VPS37A: variants seen among roughly 807,000 people sequenced by gnomAD.
VPS37A encodes vacuolar protein sorting-associated protein 37A.
Under a neutral mutation model 49.8 loss-of-function variants are expected in VPS37A, and 30 were observed. The ratio of observed to expected loss-of-function variants is 0.60; its 90% CI spans 0.45 to 0.82. The LOEUF (loss-of-function observed/expected upper bound fraction) is 0.82. Among genes scored for constraint, VPS37A ranks in the 40% least tolerant of loss-of-function variants. VPS37A has a pLI of 0.00. For synonymous variants in VPS37A, 195 were observed against 160.6 expected (o/e 1.21, Z -1.62); for missense variants, 593 against 464.4 (o/e 1.28, Z -2.55).
intron 4 of VPS37A, among the ~76,000 whole-genome samples, chr8:17,269,966 G>C (rs1813821781): frequency 6.6e-6 from 1 of 152,058 alleles, no homozygotes; most frequent in East Asian, 1.9e-4. Flanking sequence ...TCATCTGCTT[G>C]GCATCTGAGG....
Position 17,276,542 on chromosome 8 carries a change from C to A in VPS37A, c.713+75C>A, listed in dbSNP as rs1814530686. 2.9e-6 allele frequency: 4 copies of A among 1,385,358 alleles called. No homozygotes were observed. The South Asian group carries it at 4.0e-5, about 14-fold the overall frequency. The allele number at this position is 1,385,358 out of a possible 1,614,324, so 85.8% of individuals were successfully genotyped here. A position where few individuals can be genotyped will look rare whatever the true frequency, so the allele number is the denominator to read the frequency against. Reference sequence around the variant, plus strand: ...ATAAACCAGATTATTATTTCATATCCATATAAATTAAAGTTTAAAATTTTC... The same window carrying A: ...ATAAACCAGATTATTATTTCATATCAATATAAATTAAAGTTTAAAATTTTC... On this transcript the variant is annotated intron_variant, in intron 6 of 11. Transcript: ENST00000324849.
rs552434900 is a variant in VPS37A, at chr8:17,284,090, C to T, written c.970-383C>T. ...TTTGCCTTATTCTATTGAAATGAGT[C>T]GTCAGGTTCAGCCCACACTCAATGG... On this transcript the variant is annotated intron_variant, in intron 9 of 11. Transcript: ENST00000324849. Among the ~76,000 whole-genome samples the T allele has an allele frequency of 5.9e-5, 9 of 152,184 alleles. No individual in the cohort carries two copies. In the South Asian group the frequency reaches 1.9e-3, roughly 32 times the overall value.
At chr8:17,305,694 A>G, downstream of VPS37A, 1 of 1,437,998 alleles carries the variant, frequency 7.0e-7, no homozygotes, top group African/African-American at 1.4e-5. Flanking sequence ...AAGGCCACCT[A>G]AAATTCTCAG....
intron 4 of VPS37A, among the ~76,000 whole-genome samples, chr8:17,271,531 G>C (rs1437464960): frequency 6.6e-6 from 1 of 152,062 alleles, no homozygotes; most frequent in Non-Finnish European, 1.5e-5. Context: ...GCGTGAACCC[G>C]GGAGGAAGAG....
At chr8:17,300,187 G>A (rs767705079), downstream of VPS37A, 2 of 1,613,416 alleles carry the variant, frequency 1.2e-6, no homozygotes, top group South Asian at 2.2e-5. Context: ...CTTCACCTTA[G>A]TGCAATTTAA....
At position 17,274,871 on chromosome 8, in the gene VPS37A, T is replaced by G. The variant is rs771344638; in HGVS notation, c.555T>G (p.Ser185Arg). The G allele has an allele frequency of 1.3e-5, 21 of 1,614,150 alleles. No homozygotes were observed. Among genetic ancestry groups the G allele is most frequent in the Non-Finnish European group, 1.7e-5 (20 of 1,180,018 alleles). Residue 185 changes from serine (S) to arginine (R), a missense_variant, in exon 5 of 12, where the codon AGT (serine) becomes AGG (arginine). By Grantham distance (110) the Ser-to-Arg change is moderately radical. Transcript: ENST00000324849. ...ACACTGTTTCTTCTTCAACAACAAGTCATACCACAGCCAAGCCTGCCGCTC... is the reference window on the plus strand; with the variant it reads ...ACACTGTTTCTTCTTCAACAACAAGGCATACCACAGCCAAGCCTGCCGCTC... ...VADTVSSSTTSHTTAKPAAPS... is the reference protein window; with the variant it reads ...VADTVSSSTTRHTTAKPAAPS...
downstream of VPS37A, chr8:17,299,852 A>G (rs1334299717): frequency 6.8e-6 from 11 of 1,613,260 alleles, no homozygotes; most frequent in Middle Eastern, 1.6e-4. Flanking sequence ...TGGAACTCCA[A>G]AGGGAAACTT....
At chr8:17,251,027 T>C (rs965503788) in intron 1 of VPS37A, among the ~76,000 whole-genome samples, 1 of 152,156 alleles carries the variant, frequency 6.6e-6, no homozygotes, top group Non-Finnish European at 1.5e-5. Context: ...CTAATTCTGT[T>C]TCTTATACTT....
At chr8:17,275,007 A>C (rs2150391680) in intron 5 of VPS37A, 49 bp downstream of exon 5, 1 of 1,523,446 alleles carries the variant, frequency 6.6e-7, no homozygotes, top group East Asian at 2.3e-5. Context: ...ACATTCATTC[A>C]ATCCACACAC....
chr8:17,319,899 G>T, the VPS37A span, among the ~76,000 whole-genome samples: 1 of 152,180 alleles, frequency 6.6e-6, no homozygotes, highest in Non-Finnish European at 1.5e-5. Flanking sequence ...TTACAACAGT[G>T]CTGCCCTAAT....
chr8:17,300,598 CT>C (rs1817048144), downstream of VPS37A, among the ~76,000 whole-genome samples: 1 of 152,176 alleles, frequency 6.6e-6, no homozygotes, highest in Non-Finnish European at 1.5e-5. Context: ...TATCATCTAA[CT>C]TTTATACTGA....
At chr8:17,275,568 T>A (rs1402005625) in intron 5 of VPS37A, among the ~76,000 whole-genome samples, 1 of 152,182 alleles carries the variant, frequency 6.6e-6, no homozygotes, top group Non-Finnish European at 1.5e-5. Context: ...GGTGTCACAT[T>A]ATGATGGGTC....
rs1816838535 is a variant in VPS37A at position 17,298,010 on chromosome 8, G to C, written c.*3024G>C. 6.6e-6 allele frequency: 1 copy of C among 152,006 alleles called. No homozygotes were observed. Among genetic ancestry groups the C allele is most frequent in the Admixed American group, 6.6e-5 (1 of 15,266 alleles). The allele number at this position is 152,006 out of a possible 1,614,324, so 9.4% of individuals were successfully genotyped here. ...TATTTGCTTTTCAAATAAAAGCATA[G>C]TGCTGTTTGGCATAGATACTTTGTC... On this transcript the variant is annotated 3_prime_UTR_variant, in exon 12 of 12. Coordinates refer to ENST00000324849, the MANE Select transcript of VPS37A (RefSeq NM_152415.3).
At chr8:17,247,608 C>T (rs1445912338) in intron 1 of VPS37A, 3 of 708,360 alleles carry the variant, frequency 4.2e-6, no homozygotes, top group African/African-American at 1.7e-5. Flanking sequence ...TTCCTCATCC[C>T]TCCTGACACA....
At chr8:17,306,183 A>G (rs892533238), downstream of VPS37A, among the ~76,000 whole-genome samples, 1 of 152,200 alleles carries the variant, frequency 6.6e-6, no homozygotes, top group Non-Finnish European at 1.5e-5. Flanking sequence ...TTATAGTTAC[A>G]AAAGAAAGTG....
At chr8:17,276,503 T>C in intron 6 of VPS37A, 36 bp downstream of exon 6, 1 of 1,570,278 alleles carries the variant, frequency 6.4e-7, no homozygotes, top group South Asian at 1.2e-5. Flanking sequence ...ACATTGTCTA[T>C]TTTATTTGTA....
At chr8:17,277,859 T>TAC (rs1491293050) in intron 6 of VPS37A, among the ~76,000 whole-genome samples, 1 of 109,460 alleles carries the variant, frequency 9.1e-6, no homozygotes, top group Admixed American at 9.7e-5. Context: ...TTTTCTCTTT[T>TAC]ATACACACAC....
At chr8:17,275,052 T>G in intron 5 of VPS37A, 94 bp downstream of exon 5, 3 of 1,162,860 alleles carry the variant, frequency 2.6e-6, no homozygotes, top group Non-Finnish European at 3.7e-6. Flanking sequence ...AGATAATAAG[T>G]TAGACACAAA....
In VPS37A at chr8:17,296,046, C is replaced by G. The variant is rs1160829478; in HGVS notation, c.*1060C>G. On this transcript the variant is annotated 3_prime_UTR_variant, in exon 12 of 12. Coordinates refer to ENST00000324849, the MANE Select transcript of VPS37A (RefSeq NM_152415.3). ...ATGTAGCTCAGGCTTGGTAAGGTGC[C>G]ATCTAAATTACAAAACAAACTAATG... The G allele has an allele frequency of 1.3e-5, 2 of 152,132 alleles. No homozygotes were observed. The highest frequency in any genetic ancestry group is 4.8e-5 in the African/African-American group (2 of 41,446). The allele number at this position is 152,132 out of a possible 1,614,324, so 9.4% of individuals were successfully genotyped here.
Sources: gnomAD v4.1 joint callset for allele counts (sites outside exome capture counted in the v4.1 genomes callset) on GRCh38, gnomAD v4.1.1 for gene constraint, MANE v1.5 for transcripts, NCBI Gene and HGNC (gene_info 2026-07-23, HGNC 2026-07-21) for gene names.